The following STXBP5 variants were observed in gnomAD, a reference collection of about 807,000 sequenced individuals.
STXBP5 encodes syntaxin binding protein 5, also known as syntaxin-binding protein 5.
Under a neutral mutation model 152.4 loss-of-function variants are expected in STXBP5, and 50 were observed. That is an observed-to-expected ratio of 0.33 (90% CI 0.26 to 0.42). The LOEUF is 0.42. Ranked by LOEUF, STXBP5 falls within the 10% of genes least tolerant of loss-of-function variation. STXBP5 has a pLI of 1.00. For synonymous variants in STXBP5, 492 were observed against 494.7 expected, an observed-to-expected ratio of 0.99 and a Z score of 0.07; for missense variants, 1,167 against 1,388.6, an observed-to-expected ratio of 0.84 and a Z score of 2.54.
intron 27 of STXBP5, 106 bp from the exon 28 acceptor site, chr6:147,384,608 G>A (rs940178772): frequency 2.9e-5 from 33 of 1,148,358 alleles, no homozygotes; most frequent in Non-Finnish European, 4.2e-5. Context: ...TAGCACTACA[G>A]AATATTGCAG....
chr6:147,299,249 TAAAA>T (rs145902394), intron 9 of STXBP5, among the ~76,000 whole-genome samples: 1 of 146,894 alleles, frequency 6.8e-6, no homozygotes, highest in African/African-American at 2.5e-5. Context: ...TTGAGTAATC[TAAAA>T]AAAAAAAGTG....
Position 147,315,501 on chromosome 6 carries a change from TA to T in STXBP5, c.1403-13del. Reference sequence around the variant, plus strand: ...TTATATTAAAGTATCTGACATATATTATCTTTTTTCCAGTAACTCTACAAGT... The same window carrying T: ...TTATATTAAAGTATCTGACATATATTTCTTTTTTCCAGTAACTCTACAAGT... On this transcript the variant is annotated splice_polypyrimidine_tract_variant and intron_variant, in intron 14 of 27. Transcript: ENST00000321680. 6.5e-7 allele frequency: 1 copy of T among 1,531,196 alleles called. No homozygotes were observed. Among genetic ancestry groups the T allele is most frequent in the Non-Finnish European group, 9.0e-7 (1 of 1,111,482 alleles). 94.9% of individuals were successfully genotyped at this position (1,531,196 alleles called of 1,614,324 possible). A position where few individuals can be genotyped will look rare whatever the true frequency, so the allele number is the denominator to read the frequency against.
chr6:147,314,206 C>CAA, intron 12 of STXBP5, 58 bp from the exon 13 acceptor site: 1 of 1,444,014 alleles, frequency 6.9e-7, no homozygotes, highest in South Asian at 1.1e-5. Flanking sequence ...CACACACACA[C>CAA]ACACGGAGGT....
chr6:147,306,741 T>TCCACAAACCCAGTTCTTTG (rs1203099973), intron 9 of STXBP5, among the ~76,000 whole-genome samples: 2 of 152,168 alleles, frequency 1.3e-5, no homozygotes, highest in African/African-American at 4.8e-5. Flanking sequence ...ACCTCCTTCT[T>TCCACAAACCCAGTTCTTTG]CCACAAACCC....
rs1484383029 is a variant in STXBP5 at position 147,388,822 on chromosome 6, A to T, written c.*4067A>T. The T allele has an allele frequency of 6.6e-6, 1 of 150,546 alleles. No homozygotes were observed. The highest frequency in any genetic ancestry group is 1.5e-5 in the Non-Finnish European group (1 of 67,362). 9.3% of individuals were successfully genotyped at this position (150,546 alleles called of 1,614,324 possible). Reference sequence around the variant, plus strand: ...TTTTAAAATATAGATATATATATATATATTTAAAATAGTTTTCCAGGTATT... The same window carrying T: ...TTTTAAAATATAGATATATATATATTTATTTAAAATAGTTTTCCAGGTATT... On this transcript the variant is annotated 3_prime_UTR_variant, in exon 28 of 28. Coordinates refer to ENST00000321680, the MANE Select transcript of STXBP5 (RefSeq NM_001127715.4).
intron 19 of STXBP5, 73 bp from the exon 20 acceptor site, chr6:147,339,106 C>T: frequency 1.5e-6 from 2 of 1,294,312 alleles, no homozygotes; most frequent in Non-Finnish European, 2.1e-6. Context: ...TTTATTTGTA[C>T]ATTTTTCTTG....
intron 2 of STXBP5, among the ~76,000 whole-genome samples, chr6:147,226,875 C>T (rs1395701644): frequency 6.6e-6 from 1 of 152,110 alleles, no homozygotes; most frequent in African/African-American, 2.4e-5. Flanking sequence ...CATTCTATAG[C>T]TTTGTATCTT....
At chr6:147,234,320 C>T (rs764430294) in intron 2 of STXBP5, among the ~76,000 whole-genome samples, 1 of 151,818 alleles carries the variant, frequency 6.6e-6, no homozygotes. Flanking sequence ...AGGTAAAATG[C>T]ATATAACAGT....
chr6:147,322,589 G>T (rs1458208710), intron 16 of STXBP5, among the ~76,000 whole-genome samples: 1 of 152,162 alleles, frequency 6.6e-6, no homozygotes, highest in African/African-American at 2.4e-5. Flanking sequence ...ATTCAACATC[G>T]AGTAGTCTTC....
chr6:147,214,121 A>G (rs1207266083), intron 2 of STXBP5, among the ~76,000 whole-genome samples: 1 of 152,190 alleles, frequency 6.6e-6, no homozygotes, highest in East Asian at 1.9e-4. Context: ...TCCTGTAGAG[A>G]CATTCAGGTT....
intron 4 of STXBP5, among the ~76,000 whole-genome samples, chr6:147,259,731 G>C (rs989432708): frequency 3.3e-5 from 5 of 151,764 alleles, no homozygotes; most frequent in Admixed American, 6.6e-5. Flanking sequence ...GAGACGAAAT[G>C]GGGGGGTCTG....
At chr6:147,361,829 T>TA (rs1275775912) in intron 23 of STXBP5, among the ~76,000 whole-genome samples, 1 of 152,098 alleles carries the variant, frequency 6.6e-6, no homozygotes, top group Non-Finnish European at 1.5e-5. Context: ...TGGACCAGAA[T>TA]AAAAAATAAG....
At chr6:147,286,224 C>T (rs1365463225) in intron 8 of STXBP5, among the ~76,000 whole-genome samples, 2 of 152,110 alleles carry the variant, frequency 1.3e-5, no homozygotes, top group African/African-American at 2.4e-5. Context: ...TCCTTGGTCA[C>T]TTCTGTCACT....
chr6:147,253,632 A>G (rs1276165175), intron 4 of STXBP5, among the ~76,000 whole-genome samples: 2 of 152,204 alleles, frequency 1.3e-5, no homozygotes. Context: ...TTGTGCAAAA[A>G]TCATAAGCAT....
intron 16 of STXBP5, among the ~76,000 whole-genome samples, chr6:147,318,568 T>C (rs1782758106): frequency 6.6e-6 from 1 of 152,280 alleles, no homozygotes; most frequent in Admixed American, 6.5e-5. Flanking sequence ...TTCATACTTG[T>C]GATGGAATGT....
At chr6:147,309,984 T>G in intron 9 of STXBP5, 100 bp from the exon 10 acceptor site, 1 of 848,284 alleles carries the variant, frequency 1.2e-6, no homozygotes, top group Non-Finnish European at 1.7e-6. Context: ...AATGTTAGAA[T>G]TTAAGATTTT....
At position 147,204,489 on chromosome 6, in the gene STXBP5, C is replaced by T; in HGVS notation, c.-44C>T. 1.2e-6 allele frequency: 2 copies of T among 1,601,794 alleles called. No individual in the cohort carries two copies. Among genetic ancestry groups the T allele is most frequent in the African/African-American group, 1.3e-5 (1 of 74,524 alleles). On this transcript the variant is annotated 5_prime_UTR_variant, in exon 1 of 28. Coordinates refer to ENST00000321680, the MANE Select transcript of STXBP5 (RefSeq NM_001127715.4). The surrounding 1 kb of genome is among the most constrained non-coding windows in gnomAD (Gnocchi z 4.3). ...GGTGGTCTCCCCCGCCCGGGGACCC[C>T]CTGTGCCTCCCCTCCCGGGCTGCGG...
At chr6:147,305,334 A>G (rs1782035481) in intron 9 of STXBP5, among the ~76,000 whole-genome samples, 1 of 152,254 alleles carries the variant, frequency 6.6e-6, no homozygotes, top group African/African-American at 2.4e-5. Flanking sequence ...TTAGACAAGT[A>G]CATCAAATTC....
intron 22 of STXBP5, among the ~76,000 whole-genome samples, chr6:147,355,159 A>T (rs1431731236): frequency 6.6e-6 from 1 of 152,160 alleles, no homozygotes; most frequent in Non-Finnish European, 1.5e-5. Context: ...ATTTTGTTAC[A>T]CTTATGATTG....
Sources: allele counts gnomAD v4.1 joint callset (sites outside exome capture counted in the v4.1 genomes callset), GRCh38; gene constraint gnomAD v4.1.1; non-coding constraint Gnocchi (gnomAD v3.1); transcripts MANE v1.5; gene names NCBI Gene and HGNC (gene_info 2026-07-23, HGNC 2026-07-21).